SMG6: variants seen among roughly 807,000 people sequenced by gnomAD.
The protein encoded by SMG6 is SMG6 nonsense mediated mRNA decay factor.
A neutral mutation model predicts 142.2 loss-of-function variants in SMG6; 66 were observed. The observed-to-expected ratio is 0.46, with a 90% CI of 0.38 to 0.57. The LOEUF (loss-of-function observed/expected upper bound fraction) is 0.57. SMG6 is among the 20% of genes least tolerant of loss of function. The pLI is 0.00. For synonymous variants in SMG6, 779 were observed against 702.4 expected, an observed-to-expected ratio of 1.11 and a Z score of -1.72; for missense variants, 1,793 against 1,832.0, an observed-to-expected ratio of 0.98 and a Z score of 0.39.
chr17:2,193,416 T>C (rs186932938), intron 10 of SMG6, among the ~76,000 whole-genome samples: 37 of 152,272 alleles, frequency 2.4e-4, no homozygotes, highest in Middle Eastern at 6.8e-3. Context: ...TATTTGTCTA[T>C]AGCAATGCAA....
At chr17:2,149,640 C>T (rs564079129) in intron 13 of SMG6, among the ~76,000 whole-genome samples, 1 of 152,280 alleles carries the variant, frequency 6.6e-6, no homozygotes, top group East Asian at 1.9e-4. Flanking sequence ...TCCTTGACAT[C>T]GTGGTCTGAC....
Position 2,061,413 on chromosome 17 carries a change from G to A in SMG6, c.*79C>T, listed in dbSNP as rs893796599. ...GGTGGATTGGTGGCTCAGGCACGTG[G>A]GCATCTTCCGTGCTACACTGGGCGC... On this transcript the variant is annotated 3_prime_UTR_variant, in exon 19 of 19. Coordinates refer to ENST00000263073, the MANE Select transcript of SMG6 (RefSeq NM_017575.5). 81 of 1,396,072 alleles carry A rather than the reference G, an allele frequency of 5.8e-5. No homozygotes were observed. The highest frequency in any genetic ancestry group is 7.7e-5 in the Non-Finnish European group (79 of 1,031,394). 86.5% of individuals were successfully genotyped at this position (1,396,072 alleles called of 1,614,324 possible). A position where few individuals can be genotyped will look rare whatever the true frequency, so the allele number is the denominator to read the frequency against.
chr17:2,219,469 G>A (rs2073111330), intron 10 of SMG6, among the ~76,000 whole-genome samples: 1 of 151,962 alleles, frequency 6.6e-6, no homozygotes, highest in East Asian at 1.9e-4. Context: ...ACTGCTAAGA[G>A]TGTAAGCTGA....
chr17:2,191,039 A>G (rs536855894), intron 10 of SMG6, among the ~76,000 whole-genome samples: 1 of 152,308 alleles, frequency 6.6e-6, no homozygotes, highest in African/African-American at 2.4e-5. Context: ...GCACATACTG[A>G]GCATGTAGAA....
rs1429996611 is a variant in SMG6 at position 2,299,870 on chromosome 17, G to C, written c.883C>G (p.Gln295Glu). The C allele has an allele frequency of 1.2e-6, 2 of 1,614,116 alleles. No individual in the cohort carries two copies. Among genetic ancestry groups the C allele is most frequent in the Admixed American group, 1.7e-5 (1 of 60,018 alleles). Residue 295 changes from glutamine (Q) to glutamate (E), a missense_variant, in exon 2 of 19, where the codon CAA becomes GAA. Gln to Glu is a conservative substitution (Grantham distance 29). Coordinates refer to ENST00000263073, the MANE Select transcript of SMG6 (RefSeq NM_017575.5). The surrounding 1 kb of genome is among the most constrained non-coding windows in gnomAD (Gnocchi z 4.3). ...RTKERPRLKK[Q>E]VSVSSTDSLD... ...GAATCGGTTGAGGACACAGACACTT[G>C]CTTCTTCAGTCGTGGCCTCTCCTTG...
chr17:2,117,773 A>G (rs1416925082), intron 13 of SMG6: 1 of 152,222 alleles, frequency 6.6e-6, no homozygotes, highest in Non-Finnish European at 1.5e-5. Context: ...AAATAAAACG[A>G]ACAAAAAGAA....
At chr17:2,112,401 G>A (rs548594482) in intron 13 of SMG6, among the ~76,000 whole-genome samples, 4 of 151,264 alleles carry the variant, frequency 2.6e-5, no homozygotes, top group Non-Finnish European at 3.0e-5. Flanking sequence ...CCAGCTACTC[G>A]GGAGGCTGAG....
At chr17:2,284,126 A>G (rs1439859674) in intron 6 of SMG6, among the ~76,000 whole-genome samples, 1 of 152,186 alleles carries the variant, frequency 6.6e-6, no homozygotes, top group Non-Finnish European at 1.5e-5. Context: ...AGCCAGACAG[A>G]CCTTGGTCCA....
At position 2,085,745 on chromosome 17, in the gene SMG6, C is replaced by T. The variant is rs1447523192; in HGVS notation, c.3514G>A (p.Gly1172Arg). The change falls in exon 14 of 19, where the codon GGA (glycine) becomes AGA (arginine). Residue 1172 changes from glycine to arginine, a missense_variant. Coordinates refer to ENST00000263073, the MANE Select transcript of SMG6 (RefSeq NM_017575.5). The surrounding 1 kb of genome is among the most constrained non-coding windows in gnomAD (Gnocchi z 4.1). ...AGTACCTCATCTTCCAGTCGTGTTC[C>T]CTCTTGGCTTCCCATTTCCTTTCCC... is the stretch of plus-strand genomic sequence containing the variant. Reference protein sequence around the residue: ...TMGKEMGSQEGTRLEDEEEDV... With the variant: ...TMGKEMGSQERTRLEDEEEDV... 1.2e-6 allele frequency: 2 copies of T among 1,613,950 alleles called. No individual in the cohort carries two copies. Among genetic ancestry groups the T allele is most frequent in the South Asian group, 2.2e-5 (2 of 91,048 alleles).
At chr17:2,099,501 T>G (rs2068948503) in intron 13 of SMG6, among the ~76,000 whole-genome samples, 1 of 151,934 alleles carries the variant, frequency 6.6e-6, no homozygotes, top group Non-Finnish European at 1.5e-5. Context: ...AAAAAAAAAT[T>G]ACATCCACAT....
intron 10 of SMG6, among the ~76,000 whole-genome samples, chr17:2,235,251 C>T (rs1279047543): frequency 6.6e-6 from 1 of 152,168 alleles, no homozygotes; most frequent in Non-Finnish European, 1.5e-5. Context: ...CATCTAAGCC[C>T]CTGGATCTCA....
rs1444666901 is a variant in SMG6 at position 2,298,972 on chromosome 17, T to G, written c.1781A>C (p.Gln594Pro). Reference protein sequence around the residue: ...LLRVADNQELQLSNLLSRDRI... With the variant: ...LLRVADNQELPLSNLLSRDRI... ...GTCCCTGGAGAGCAGGTTGCTGAGC[T>G]GCAGTTCCTGGTTGTCAGCCACCCG... is the stretch of plus-strand genomic sequence containing the variant. Residue 594 changes from glutamine (Q) to proline (P), a missense_variant, in exon 2 of 19, where the codon CAG becomes CCG. Coordinates refer to ENST00000263073, the MANE Select transcript of SMG6 (RefSeq NM_017575.5). The G allele has an allele frequency of 1.9e-6, 3 of 1,614,166 alleles. No homozygotes were observed. The highest frequency in any genetic ancestry group is 1.7e-6 in the Non-Finnish European group (2 of 1,180,044).
intron 12 of SMG6, among the ~76,000 whole-genome samples, chr17:2,176,308 C>G (rs529432253): frequency 1.3e-5 from 2 of 152,308 alleles, no homozygotes; most frequent in African/African-American, 2.4e-5. Context: ...CCTATGGATT[C>G]AAGGTTGGCC....
intron 13 of SMG6, among the ~76,000 whole-genome samples, chr17:2,114,378 T>C (rs1165283707): frequency 2.0e-5 from 3 of 152,074 alleles, no homozygotes; most frequent in African/African-American, 7.2e-5. Flanking sequence ...AGTTTCCCAT[T>C]GAAATGACTA....
chr17:2,222,463 G>A (rs1043241635), intron 10 of SMG6, among the ~76,000 whole-genome samples: 2 of 148,160 alleles, frequency 1.3e-5, no homozygotes, highest in African/African-American at 2.5e-5. Context: ...CAGAGAACTT[G>A]CAAGAAGGGT....
chr17:2,089,845 C>T (rs2068664396), intron 13 of SMG6: 1 of 151,988 alleles, frequency 6.6e-6, no homozygotes, highest in Admixed American at 6.6e-5. Context: ...GACTGGGTTA[C>T]TGTTCTGGGG....
rs374930109 is a variant in SMG6, at chr17:2,258,040, C to T, written c.2662-13321G>A. On this transcript the variant is annotated intron_variant, in intron 8 of 18. Transcript: ENST00000263073. ...AAAAAAAAAAAAAAAAAAAAATATA[C>T]ACACACACACACACACACACACACA... Among the ~76,000 whole-genome samples, 348 of 50,812 alleles carry T rather than the reference C, an allele frequency of 6.8e-3. 8 individuals are homozygous for T. The East Asian group carries it at 0.099, about 14-fold the overall frequency. 33.3% of individuals were successfully genotyped at this position (50,812 alleles called of 152,430 possible). A position where few individuals can be genotyped will look rare whatever the true frequency, so the allele number is the denominator to read the frequency against.
chr17:2,119,480 C>CA (rs2069615398), intron 13 of SMG6, among the ~76,000 whole-genome samples: 1 of 151,952 alleles, frequency 6.6e-6, no homozygotes, highest in Non-Finnish European at 1.5e-5. Flanking sequence ...AGGCATTAGT[C>CA]ACCGCACCCA....
chr17:2,107,303 T>C (rs8082647), intron 13 of SMG6, among the ~76,000 whole-genome samples: 46,953 of 151,986 alleles, frequency 0.31, 8,937 homozygotes, highest in African/African-American at 0.54. Flanking sequence ...ACTGAAACCA[T>C]GATCCCAAAC....
Sources: gnomAD v4.1 joint callset for allele counts (sites outside exome capture counted in the v4.1 genomes callset) on GRCh38, gnomAD v4.1.1 for gene constraint, Gnocchi (gnomAD v3.1) non-coding constraint, MANE v1.5 for transcripts, NCBI Gene and HGNC (gene_info 2026-07-23, HGNC 2026-07-21) for gene names.